Variants in RHBDD1 observed in about 807,000 individuals in gnomAD.
RHBDD1 encodes rhomboid domain containing 1.
A neutral mutation model predicts 36.3 loss-of-function variants in RHBDD1; 38 were observed. The ratio of observed to expected loss-of-function variants is 1.05; its 90% CI spans 0.81 to 1.37. The LOEUF (loss-of-function observed/expected upper bound fraction) is 1.37, where lower values mean the gene tolerates loss of function less well. RHBDD1 is among the 40% of genes most tolerant of loss of function. The probability of loss-of-function intolerance (pLI) is 0.00; values close to 1 mark genes in which losing one functional copy is unlikely to be tolerated. For missense variants in RHBDD1, 393 were observed against 377.6 expected (o/e 1.04, Z -0.34); for synonymous variants, 151 against 136.5 (o/e 1.11, Z -0.74).
the RHBDD1 span, chr2:226,808,413 C>T: frequency 1.3e-5 from 2 of 152,196 alleles, no homozygotes; most frequent in African/African-American, 4.8e-5. Context: ...GGAATTCAGA[C>T]AGGGCACAGT....
intron 5 of RHBDD1, among the ~76,000 whole-genome samples, chr2:226,873,303 G>A (rs1274901906): frequency 6.6e-6 from 1 of 152,114 alleles, no homozygotes; most frequent in Non-Finnish European, 1.5e-5. Flanking sequence ...TCAACTCAAC[G>A]TCCCTTTAGC....
chr2:226,853,876 G>A (rs1035168224), intron 3 of RHBDD1, among the ~76,000 whole-genome samples: 2 of 152,192 alleles, frequency 1.3e-5, no homozygotes, highest in South Asian at 2.1e-4. Flanking sequence ...TACATCTCAC[G>A]TGGGCAACTC....
chr2:226,843,860 T>C (rs564073169), intron 3 of RHBDD1, among the ~76,000 whole-genome samples: 2 of 152,336 alleles, frequency 1.3e-5, no homozygotes, highest in East Asian at 3.9e-4. Flanking sequence ...CTGCTCTTCT[T>C]TGTACCCTGG....
At chr2:226,995,250 T>G (rs1392110326) in intron 8 of RHBDD1, among the ~76,000 whole-genome samples, 181 bp from the exon 9 acceptor site, 1 of 152,192 alleles carries the variant, frequency 6.6e-6, no homozygotes, top group Non-Finnish European at 1.5e-5. Flanking sequence ...ACTCTAAAAA[T>G]ATTTACTTGA....
At chr2:226,899,500 A>G (rs1233529383) in intron 5 of RHBDD1, among the ~76,000 whole-genome samples, 1 of 152,342 alleles carries the variant, frequency 6.6e-6, no homozygotes, top group East Asian at 1.9e-4. Flanking sequence ...GAGGATTTTC[A>G]GAATTGTAAA....
At chr2:226,831,692 C>T (rs921099945), upstream of RHBDD1, among the ~76,000 whole-genome samples, 1 of 151,652 alleles carries the variant, frequency 6.6e-6, no homozygotes, top group Non-Finnish European at 1.5e-5. Context: ...CTTAAGCCAC[C>T]TAGTTTATAA....
At chr2:226,860,230 G>C (rs369564172) in intron 3 of RHBDD1, among the ~76,000 whole-genome samples, 5 of 152,272 alleles carry the variant, frequency 3.3e-5, no homozygotes, top group African/African-American at 1.2e-4. Context: ...TGTTGAGTCT[G>C]GTGGGGAGGG....
chr2:226,812,122 C>T, the RHBDD1 span, among the ~76,000 whole-genome samples: 1 of 152,362 alleles, frequency 6.6e-6, no homozygotes, highest in African/African-American at 2.4e-5. Flanking sequence ...TGAATGAGCC[C>T]TGCTAATGCA....
chr2:226,846,620 T>C (rs1942249190), intron 3 of RHBDD1, among the ~76,000 whole-genome samples: 1 of 151,916 alleles, frequency 6.6e-6, no homozygotes, highest in Admixed American at 6.6e-5. Flanking sequence ...GGCGGGTGCC[T>C]GTAGTCCCAG....
chr2:226,931,815 A>G (rs906892937), intron 8 of RHBDD1, among the ~76,000 whole-genome samples: 1 of 151,976 alleles, frequency 6.6e-6, no homozygotes, highest in African/African-American at 2.4e-5. Flanking sequence ...TACTTTGGGT[A>G]TTCTAGATCT....
In RHBDD1 at chr2:226,877,264, ATAT is replaced by A. The variant is rs1344222197; in HGVS notation, c.566+9950_566+9952del. 3.3e-5 allele frequency among the ~76,000 whole-genome samples: 5 copies of A among 152,174 alleles called. No homozygotes were observed. The South Asian group carries it at 8.3e-4, about 25-fold the overall frequency. ...TCTTTTCCCTATATATGATTTTCTA[ATAT>A]TATGCATTGATTATTTGGAAATATT... On this transcript the variant is annotated intron_variant, in intron 5 of 8. Coordinates refer to ENST00000392062, the MANE Select transcript of RHBDD1 (RefSeq NM_001167608.3).
intron 3 of RHBDD1, among the ~76,000 whole-genome samples, chr2:226,861,730 G>A (rs975730680): frequency 2.0e-5 from 3 of 152,354 alleles, no homozygotes; most frequent in Non-Finnish European, 2.9e-5. Flanking sequence ...CTGTGTGTGT[G>A]TGTGGGCACA....
chr2:226,963,719 G>A (rs1952404274), intron 8 of RHBDD1, among the ~76,000 whole-genome samples: 1 of 152,128 alleles, frequency 6.6e-6, no homozygotes, highest in Non-Finnish European at 1.5e-5. Flanking sequence ...TTGGAATGTG[G>A]ATCTGGCAGC....
intron 3 of RHBDD1, among the ~76,000 whole-genome samples, chr2:226,861,643 T>C (rs1035264664): frequency 1.3e-5 from 2 of 152,258 alleles, no homozygotes; most frequent in Non-Finnish European, 2.9e-5. Context: ...GATTATTTAC[T>C]GATCAATGAT....
intron 8 of RHBDD1, among the ~76,000 whole-genome samples, chr2:226,980,444 G>T (rs1289796247): frequency 6.6e-6 from 1 of 152,112 alleles, no homozygotes; most frequent in Admixed American, 6.5e-5. Context: ...GTGGTTCTGT[G>T]CCTCTTAGCT....
chr2:226,934,465 A>T (rs1453092356), intron 8 of RHBDD1, among the ~76,000 whole-genome samples: 6 of 152,158 alleles, frequency 3.9e-5, no homozygotes, highest in Admixed American at 3.9e-4. Context: ...GTAAGGGTAC[A>T]TTGAAAAATC....
At position 226,954,358 on chromosome 2, in the gene RHBDD1, T is replaced by A. The variant is rs1033066444; in HGVS notation, c.856+40007T>A. ...ACAAGAATTTGTGGAGTACCTACTA[T>A]GATCAAGAGAATGTGCTTATGGATT... On this transcript the variant is annotated intron_variant, in intron 8 of 8. Transcript: ENST00000392062. Among the ~76,000 whole-genome samples, 8 of 152,224 alleles carry A rather than the reference T, an allele frequency of 5.3e-5. No homozygotes were observed. The South Asian group carries it at 1.7e-3, about 32-fold the overall frequency.
chr2:226,886,124 C>T (rs1198387086), intron 5 of RHBDD1, among the ~76,000 whole-genome samples: 3 of 152,138 alleles, frequency 2.0e-5, no homozygotes, highest in Non-Finnish European at 2.9e-5. Context: ...AGCACATAAG[C>T]GGGGACTACC....
chr2:226,927,334 G>GT (rs11453624), intron 8 of RHBDD1, among the ~76,000 whole-genome samples: 70,250 of 150,722 alleles, frequency 0.47, 16,537 homozygotes, highest in African/African-American at 0.54. Flanking sequence ...TATACCAGAA[G>GT]TTTTTTTTTG....
Sources: gnomAD v4.1 joint callset for allele counts (sites outside exome capture counted in the v4.1 genomes callset) on GRCh38, gnomAD v4.1.1 for gene constraint, MANE v1.5 for transcripts, NCBI Gene and HGNC (gene_info 2026-07-23, HGNC 2026-07-21) for gene names.